The following PTBP2 variants were observed in gnomAD, a reference collection of about 807,000 sequenced individuals.
PTBP2 encodes the protein polypyrimidine tract-binding protein 2.
A neutral mutation model predicts 61.4 loss-of-function variants in PTBP2; 13 were observed. The ratio of observed to expected loss-of-function variants is 0.21; its 90% CI spans 0.14 to 0.34. PTBP2 has a LOEUF of 0.34. Ranked by LOEUF, PTBP2 falls within the 10% of genes least tolerant of loss-of-function variation. PTBP2 has a pLI of 1.00. For synonymous variants in PTBP2, 215 were observed against 218.5 expected (o/e 0.98, Z 0.14); for missense variants, 405 against 642.6 (o/e 0.63, Z 4.00).
At chr1:96,780,081 G>T (rs532608937) in intron 7 of PTBP2, among the ~76,000 whole-genome samples, 1 of 152,110 alleles carries the variant, frequency 6.6e-6, no homozygotes, top group African/African-American at 2.4e-5. Context: ...AGCTTCATCA[G>T]CTTTTCTTGC....
At chr1:96,734,055 T>C (rs1295855745) in intron 2 of PTBP2, among the ~76,000 whole-genome samples, 2 of 152,214 alleles carry the variant, frequency 1.3e-5, no homozygotes, top group Non-Finnish European at 2.9e-5. Context: ...GGTTAAGTGA[T>C]ATTTTCACTT....
chr1:96,752,842 G>C (rs141054280), intron 3 of PTBP2, among the ~76,000 whole-genome samples: 74 of 152,278 alleles, frequency 4.9e-4, no homozygotes, highest in African/African-American at 1.7e-3. Context: ...TTGTTTGGAA[G>C]TGATGAGCAG....
Position 96,804,908 on chromosome 1 carries a change from C to G in PTBP2, c.1013C>G (p.Thr338Arg). The G allele has an allele frequency of 6.2e-7, 1 of 1,607,668 alleles. No individual in the cohort carries two copies. The highest frequency in any genetic ancestry group is 8.5e-7 in the Non-Finnish European group (1 of 1,176,246). ...CCTGGAGTCTCAGCTGGTGGCAATA[C>G]AGTCCTGTTGGTTAGCAATTTAAAT... is the stretch of plus-strand genomic sequence containing the variant. ...GMPGVSAGGNTVLLVSNLNEE... is the reference protein window; with the variant it reads ...GMPGVSAGGNRVLLVSNLNEE... Residue 338 changes from threonine (T) to arginine (R), a missense_variant, in exon 9 of 14, where the codon ACA (threonine) becomes AGA (arginine). Physicochemically the swap from Thr to Arg is moderately conservative, Grantham distance 71. Transcript: ENST00000674951.
intron 3 of PTBP2, among the ~76,000 whole-genome samples, chr1:96,762,876 C>T (rs1457678675): frequency 4.8e-5 from 7 of 146,612 alleles, no homozygotes; most frequent in South Asian, 4.4e-4. Context: ...GCGGCCGGGC[C>T]GAGACGCTCC....
At chr1:96,779,680 G>A (rs889237047) in intron 7 of PTBP2, among the ~76,000 whole-genome samples, 1 of 152,036 alleles carries the variant, frequency 6.6e-6, no homozygotes, top group Non-Finnish European at 1.5e-5. Context: ...GTTTTACTAA[G>A]TACTTATTCT....
chr1:96,822,146 TATGAG>T (rs1200639012), exon 14 of PTBP2: 8 of 152,160 alleles, frequency 5.3e-5, no homozygotes, highest in African/African-American at 7.2e-5. Context: ...TTCAGTTCAG[TATGAG>T]ATAAGTAAAG....
At chr1:96,786,192 C>T (rs1223375320) in intron 8 of PTBP2, among the ~76,000 whole-genome samples, 1 of 152,066 alleles carries the variant, frequency 6.6e-6, no homozygotes, top group African/African-American at 2.4e-5. Flanking sequence ...CAATATATAA[C>T]AGTCATGCCA....
chr1:96,779,647 T>C (rs188956910), intron 7 of PTBP2, among the ~76,000 whole-genome samples: 5 of 152,212 alleles, frequency 3.3e-5, no homozygotes, highest in Admixed American at 6.5e-5. Flanking sequence ...TCTAAAGTTA[T>C]AATTCTAAGA....
chr1:96,723,346 TACC>T (rs768287341), intron 1 of PTBP2, among the ~76,000 whole-genome samples: 24 of 152,196 alleles, frequency 1.6e-4, no homozygotes, highest in Non-Finnish European at 3.1e-4. Context: ...TGTTAAAAAA[TACC>T]ACAAGTTGTC....
At chr1:96,751,352 T>G in intron 2 of PTBP2, 73 bp from the exon 3 acceptor site, 1 of 1,177,260 alleles carries the variant, frequency 8.5e-7, no homozygotes, top group Non-Finnish European at 1.3e-6. Context: ...ATTTGACATT[T>G]AAGTGAAAGG....
chr1:96,757,374 A>T (rs1160685108), intron 3 of PTBP2, among the ~76,000 whole-genome samples: 2 of 152,228 alleles, frequency 1.3e-5, no homozygotes, highest in Non-Finnish European at 1.5e-5. Context: ...ATATTTCACA[A>T]TGTTGAAGGG....
chr1:96,808,794 A>AAAACACACACACAC (rs1037695028), intron 11 of PTBP2, among the ~76,000 whole-genome samples: 1 of 150,030 alleles, frequency 6.7e-6, no homozygotes, highest in African/African-American at 2.4e-5. Flanking sequence ...CATTTCCTTT[A>AAAACACACACACAC]AAACACACAC....
intron 8 of PTBP2, among the ~76,000 whole-genome samples, chr1:96,802,898 T>C (rs190663099): frequency 3.9e-5 from 6 of 152,318 alleles, no homozygotes; most frequent in Admixed American, 2.6e-4. Context: ...ATTCTGTGCA[T>C]TCAGTCAGAG....
At chr1:96,774,894 A>G (rs1180047235) in intron 5 of PTBP2, among the ~76,000 whole-genome samples, 1 of 152,196 alleles carries the variant, frequency 6.6e-6, no homozygotes, top group Non-Finnish European at 1.5e-5. Flanking sequence ...CTGTCCCAAA[A>G]GTAATGGTGC....
chr1:96,732,582 A>G (rs1232663913), intron 2 of PTBP2, among the ~76,000 whole-genome samples: 6 of 152,238 alleles, frequency 3.9e-5, no homozygotes, highest in Non-Finnish European at 7.3e-5. Flanking sequence ...CCATTTATCA[A>G]TAAAAAGATA....
chr1:96,790,256 T>G (rs2101096418), intron 8 of PTBP2, among the ~76,000 whole-genome samples: 1 of 152,114 alleles, frequency 6.6e-6, no homozygotes, highest in African/African-American at 2.4e-5. Context: ...AAAGGCTTGA[T>G]AAGATTTAGA....
intron 2 of PTBP2, among the ~76,000 whole-genome samples, chr1:96,745,536 AAT>A (rs1653638335): frequency 6.6e-6 from 1 of 152,002 alleles, no homozygotes; most frequent in African/African-American, 2.4e-5. Context: ...TTATTTTTTC[AAT>A]ATGGATTTTT....
chr1:96,728,418 T>TTACAG (rs530607605), intron 2 of PTBP2, among the ~76,000 whole-genome samples: 2 of 152,240 alleles, frequency 1.3e-5, no homozygotes, highest in Non-Finnish European at 2.9e-5. Flanking sequence ...TATCCAGTGT[T>TTACAG]TACAGCATCA....
chr1:96,756,388 G>A (rs182232536), intron 3 of PTBP2, among the ~76,000 whole-genome samples: 282 of 152,296 alleles, frequency 1.9e-3, no homozygotes, highest in Non-Finnish European at 3.2e-3. Flanking sequence ...CAACAAGAGC[G>A]AGACTCCATC....
Sources: allele counts gnomAD v4.1 joint callset (sites outside exome capture counted in the v4.1 genomes callset), GRCh38; gene constraint gnomAD v4.1.1; transcripts MANE v1.5; gene names NCBI Gene and HGNC (gene_info 2026-07-23, HGNC 2026-07-21).